CDH12: variants seen among roughly 807,000 people sequenced by gnomAD.
The protein encoded by CDH12 is cadherin 12.
Under a neutral mutation model 74.1 loss-of-function variants are expected in CDH12, and 41 were observed. That is an observed-to-expected ratio of 0.55 (90% CI 0.43 to 0.72). CDH12 has a LOEUF of 0.72. Ranked by LOEUF, CDH12 falls within the 30% of genes least tolerant of loss-of-function variation. The pLI is 0.00. For missense variants in CDH12, 945 were observed against 977.2 expected (o/e 0.97, Z 0.44); for synonymous variants, 399 against 355.0 (o/e 1.12, Z -1.39).
intron 11 of CDH12, among the ~76,000 whole-genome samples, chr5:21,774,129 G>A (rs570817754): frequency 1.3e-5 from 2 of 152,158 alleles, no homozygotes; most frequent in East Asian, 1.9e-4. Context: ...TGTTGCCAAA[G>A]CAGATTAACA....
intron 3 of CDH12, among the ~76,000 whole-genome samples, chr5:22,277,669 C>G (rs1009416067): frequency 1.6e-5 from 2 of 127,542 alleles, no homozygotes; most frequent in Admixed American, 8.0e-5. Flanking sequence ...CCTATCTCTA[C>G]CAAAAATACA....
chr5:22,746,218 C>T (rs1745289731), intron 1 of CDH12, among the ~76,000 whole-genome samples: 1 of 152,134 alleles, frequency 6.6e-6, no homozygotes, highest in South Asian at 2.1e-4. Context: ...TTAATTGAAA[C>T]ACAGGCTGGC....
At chr5:22,473,295 T>A (rs1183668578) in intron 2 of CDH12, among the ~76,000 whole-genome samples, 1 of 152,108 alleles carries the variant, frequency 6.6e-6, no homozygotes, top group African/African-American at 2.4e-5. Flanking sequence ...CACTGACTTA[T>A]ATTCTTTATA....
intron 1 of CDH12, among the ~76,000 whole-genome samples, chr5:22,726,786 T>C (rs1029819272): frequency 6.6e-6 from 1 of 151,764 alleles, no homozygotes; most frequent in Non-Finnish European, 1.5e-5. Flanking sequence ...GCTTTCTTCC[T>C]GGACAAAAAA....
intron 3 of CDH12, among the ~76,000 whole-genome samples, chr5:22,226,682 G>A (rs1446133957): frequency 2.0e-5 from 3 of 152,106 alleles, no homozygotes; most frequent in Non-Finnish European, 4.4e-5. Context: ...GTAGTAACGT[G>A]TTACACAGCT....
At chr5:22,203,042 T>A (rs1751012586) in intron 4 of CDH12, among the ~76,000 whole-genome samples, 1 of 152,146 alleles carries the variant, frequency 6.6e-6, no homozygotes, top group Admixed American at 6.5e-5. Context: ...ATACGATGTG[T>A]AATAATCAAG....
intron 2 of CDH12, among the ~76,000 whole-genome samples, chr5:22,443,968 A>G (rs1021115853): frequency 6.6e-6 from 1 of 152,140 alleles, no homozygotes; most frequent in African/African-American, 2.4e-5. Context: ...TACAAGGAAG[A>G]AAGAAGGTTT....
chr5:22,290,521 C>T (rs763928095), intron 3 of CDH12, among the ~76,000 whole-genome samples: 4 of 151,950 alleles, frequency 2.6e-5, no homozygotes, highest in Non-Finnish European at 4.4e-5. Context: ...AATGCAATAG[C>T]GGATCAACAG....
intron 5 of CDH12, among the ~76,000 whole-genome samples, chr5:22,058,070 T>C (rs1740877293): frequency 6.6e-6 from 1 of 152,120 alleles, no homozygotes; most frequent in African/African-American, 2.4e-5. Flanking sequence ...TATTTATTTA[T>C]TTATTTGATG....
chr5:22,647,992 CT>C (rs1298339918), intron 1 of CDH12, among the ~76,000 whole-genome samples: 2 of 151,758 alleles, frequency 1.3e-5, no homozygotes, highest in South Asian at 4.1e-4. Flanking sequence ...TATTAATCAG[CT>C]TTTGGAACGG....
intron 1 of CDH12, among the ~76,000 whole-genome samples, chr5:22,622,143 A>AATG (rs142537858): frequency 0.069 from 10,488 of 152,202 alleles, 433 homozygotes; most frequent in East Asian, 0.23. Flanking sequence ...ATATTAAGGA[A>AATG]ATTAGCAAAA....
chr5:22,290,952 C>T (rs1253334759), intron 3 of CDH12, among the ~76,000 whole-genome samples: 1 of 152,146 alleles, frequency 6.6e-6, no homozygotes, highest in Non-Finnish European at 1.5e-5. Flanking sequence ...ACCAGTTCTT[C>T]TCAATCTCTT....
At chr5:22,343,117 A>C (rs1739947436) in intron 3 of CDH12, among the ~76,000 whole-genome samples, 1 of 151,554 alleles carries the variant, frequency 6.6e-6, no homozygotes, top group Admixed American at 6.6e-5. Flanking sequence ...AGCCTCCCAA[A>C]GTGCTGGGAT....
chr5:22,682,507 A>G (rs983993763), intron 1 of CDH12, among the ~76,000 whole-genome samples: 4 of 152,072 alleles, frequency 2.6e-5, no homozygotes, highest in African/African-American at 9.6e-5. Flanking sequence ...CAGAGATTCT[A>G]TTTAAAATTT....
chr5:22,239,083 A>G (rs1450527352), intron 3 of CDH12, among the ~76,000 whole-genome samples: 1 of 152,222 alleles, frequency 6.6e-6, no homozygotes, highest in Non-Finnish European at 1.5e-5. Flanking sequence ...TATAAGAAAG[A>G]TGCACATTAA....
At chr5:22,414,313 T>A (rs2126479825) in intron 2 of CDH12, among the ~76,000 whole-genome samples, 1 of 152,140 alleles carries the variant, frequency 6.6e-6, no homozygotes, top group South Asian at 2.1e-4. Flanking sequence ...GATGTTAACC[T>A]CTATCAATTA....
intron 2 of CDH12, among the ~76,000 whole-genome samples, chr5:22,428,676 T>C (rs1744043332): frequency 6.6e-6 from 1 of 152,270 alleles, no homozygotes; most frequent in African/African-American, 2.4e-5. Context: ...ACCAGAGGCA[T>C]TGCAATCGGA....
At chr5:22,644,174 C>T (rs759801114) in intron 1 of CDH12, among the ~76,000 whole-genome samples, 2 of 152,044 alleles carry the variant, frequency 1.3e-5, no homozygotes, top group Non-Finnish European at 2.9e-5. Flanking sequence ...CCACAACTCT[C>T]ACTTAAATCA....
At chr5:22,597,053 A>G (rs1736637014) in intron 1 of CDH12, among the ~76,000 whole-genome samples, 1 of 152,202 alleles carries the variant, frequency 6.6e-6, no homozygotes, top group Non-Finnish European at 1.5e-5. Flanking sequence ...TCTTTCTATT[A>G]AAATAAATTT....
Sources: allele counts gnomAD v4.1 joint callset (sites outside exome capture counted in the v4.1 genomes callset), GRCh38; gene constraint gnomAD v4.1.1; transcripts MANE v1.5; gene names NCBI Gene and HGNC (gene_info 2026-07-23, HGNC 2026-07-21).